The following PDPN variants were observed in gnomAD, a reference collection of about 807,000 sequenced individuals.
PDPN encodes podoplanin, also known as PA2.26 antigen.
PDPN carries 12 observed loss-of-function variants against 23.2 expected under a neutral mutation model. The observed-to-expected ratio is 0.52, with a 90% CI of 0.33 to 0.84. The LOEUF (loss-of-function observed/expected upper bound fraction) is 0.84. Among genes scored for constraint, PDPN ranks in the 40% least tolerant of loss-of-function variants. The probability of loss-of-function intolerance (pLI) is 0.02; values close to 1 mark genes in which losing one functional copy is unlikely to be tolerated. For synonymous variants in PDPN, 77 were observed against 76.7 expected (o/e 1.00, Z -0.02); for missense variants, 199 against 212.2 (o/e 0.94, Z 0.39).
chr1:13,607,544 T>C (rs1174489249), intron 2 of PDPN, among the ~76,000 whole-genome samples: 1 of 152,164 alleles, frequency 6.6e-6, no homozygotes, highest in Non-Finnish European at 1.5e-5. Flanking sequence ...ACCAACATTA[T>C]GTGAGGACCT....
intron 1 of PDPN, among the ~76,000 whole-genome samples, chr1:13,602,884 T>A (rs897340633): frequency 2.6e-5 from 4 of 152,070 alleles, no homozygotes; most frequent in African/African-American, 9.6e-5. Context: ...AAAGTATTTT[T>A]AAAGAAATGG....
chr1:13,602,311 G>C (rs1365540226), intron 1 of PDPN, among the ~76,000 whole-genome samples: 1 of 151,664 alleles, frequency 6.6e-6, no homozygotes, highest in Non-Finnish European at 1.5e-5. Flanking sequence ...CTGGGCGACA[G>C]AGCAAGACTC....
intron 3 of PDPN, among the ~76,000 whole-genome samples, chr1:13,610,765 T>C (rs879633360): frequency 1.1e-4 from 17 of 152,236 alleles, no homozygotes; most frequent in Non-Finnish European, 1.9e-4. Flanking sequence ...GTTAAGTAGC[T>C]ACTGAGATTG....
chr1:13,601,389 C>T (rs1640637089), intron 1 of PDPN, among the ~76,000 whole-genome samples: 3 of 152,218 alleles, frequency 2.0e-5, no homozygotes, highest in African/African-American at 7.2e-5. Context: ...CCATGTCTTG[C>T]TCTGTCACCC....
intron 2 of PDPN, among the ~76,000 whole-genome samples, chr1:13,609,018 C>G (rs1640867051): frequency 6.6e-6 from 1 of 152,282 alleles, no homozygotes; most frequent in Middle Eastern, 3.4e-3. Flanking sequence ...AACTACCCAC[C>G]AGATTTGGCC....
intron 2 of PDPN, among the ~76,000 whole-genome samples, chr1:13,608,740 A>G (rs1640858383): frequency 6.6e-6 from 1 of 152,254 alleles, no homozygotes; most frequent in Non-Finnish European, 1.5e-5. Flanking sequence ...CACACCGAAC[A>G]AAGGCGGGAA....
At chr1:13,589,576 A>C (rs1443862747) in intron 1 of PDPN, among the ~76,000 whole-genome samples, 1 of 152,036 alleles carries the variant, frequency 6.6e-6, no homozygotes, top group Non-Finnish European at 1.5e-5. Flanking sequence ...AGCTTCTTGT[A>C]TTTTATAGAG....
chr1:13,606,677 A>G (rs1267899429), intron 1 of PDPN, among the ~76,000 whole-genome samples: 1 of 152,102 alleles, frequency 6.6e-6, no homozygotes, highest in African/African-American at 2.4e-5. Context: ...CTTAAGAAAA[A>G]TTAATTTGAA....
intron 1 of PDPN, among the ~76,000 whole-genome samples, chr1:13,594,636 C>A (rs541996475): frequency 2.0e-5 from 3 of 152,268 alleles, no homozygotes; most frequent in Admixed American, 6.5e-5. Context: ...AACCTCTTAG[C>A]CTCACCATTG....
chr1:13,588,217 G>A lies in PDPN; in HGVS notation c.67+4117G>A, dbSNP rs1051308454. Among the ~76,000 whole-genome samples, 20 of 152,062 alleles carry A rather than the reference G, an allele frequency of 1.3e-4. No individual in the cohort carries two copies. The East Asian group carries it at 1.5e-3, about 12-fold the overall frequency. On this transcript the variant is annotated intron_variant, in intron 1 of 5. Transcript: ENST00000621990. ...CAGAGAGGCCAGGCCACAAAGTGCCGTAGGCAATAGAGGGAGACCAACCCT... is the reference window on the plus strand; with the variant it reads ...CAGAGAGGCCAGGCCACAAAGTGCCATAGGCAATAGAGGGAGACCAACCCT...
intron 1 of PDPN, among the ~76,000 whole-genome samples, chr1:13,590,474 A>G (rs936637633): frequency 6.6e-6 from 1 of 152,208 alleles, no homozygotes; most frequent in Non-Finnish European, 1.5e-5. Context: ...GGAGCTAGAA[A>G]AAGCCTTGTG....
chr1:13,603,214 C>G (rs1570040475), intron 1 of PDPN, among the ~76,000 whole-genome samples: 2 of 152,216 alleles, frequency 1.3e-5, no homozygotes, highest in East Asian at 3.9e-4. Context: ...GAAATGCCAT[C>G]TCTACTAAAA....
intron 4 of PDPN, 145 bp downstream of exon 4, chr1:13,613,870 C>CTTTTTTTTTTTT (rs34784418): frequency 4.7e-6 from 1 of 211,830 alleles, no homozygotes. Flanking sequence ...AGATTTCAAG[C>CTTTTTTTTTTTT]TTTTTTTTTT....
intron 1 of PDPN, among the ~76,000 whole-genome samples, chr1:13,604,721 A>G (rs1202125656): frequency 6.6e-6 from 1 of 152,218 alleles, no homozygotes; most frequent in African/African-American, 2.4e-5. Flanking sequence ...ACTAAGTTCA[A>G]ACCAGGTGAG....
rs973070188 is a variant in PDPN at position 13,617,189 on chromosome 1, T to C, written c.*1278T>C. 1 of 151,836 alleles carries C rather than the reference T, an allele frequency of 6.6e-6. No individual in the cohort carries two copies. The highest frequency in any genetic ancestry group is 1.5e-5 in the Non-Finnish European group (1 of 67,992). The allele number at this position is 151,836 out of a possible 1,614,324, so 9.4% of individuals were successfully genotyped here. Reference sequence around the variant, plus strand: ...TTTTTTTTTTCCTAAACAAAGTTTTTACACTGAGCAGATGCTCTGTCATGA... The same window carrying C: ...TTTTTTTTTTCCTAAACAAAGTTTTCACACTGAGCAGATGCTCTGTCATGA... On this transcript the variant is annotated 3_prime_UTR_variant, in exon 6 of 6. Coordinates refer to ENST00000621990, the MANE Select transcript of PDPN (RefSeq NM_006474.5).
chr1:13,607,300 A>G lies in PDPN; in HGVS notation c.195A>G (p.Thr65=). The part of the protein sequence containing the change: ...TSEDRYKSGL[T]TLVATSVNSV... ...AAGACCGCTATAAGTCTGGCTTGAC[A>G]ACTCTGGTCAGTGTCCTGGGAAGAG... Residue 65 remains threonine (T), a synonymous_variant, in exon 2 of 6, where the codon ACA becomes ACG. Transcript: ENST00000621990. The G allele has an allele frequency of 6.2e-7, 1 of 1,613,924 alleles. No homozygotes were observed. The highest frequency in any genetic ancestry group is 1.3e-5 in the African/African-American group (1 of 75,050).
chr1:13,584,520 G>T (rs1640124106), intron 1 of PDPN, among the ~76,000 whole-genome samples: 1 of 152,240 alleles, frequency 6.6e-6, no homozygotes, highest in African/African-American at 2.4e-5. Context: ...CAGGAGGGAC[G>T]TTCAGGAGGG....
chr1:13,583,888 T>C lies in PDPN; in HGVS notation c.-146T>C. On this transcript the variant is annotated 5_prime_UTR_variant, in exon 1 of 6. Transcript: ENST00000621990. ...GTCTGGGAAGCTCGGGCACCCTCCC[T>C]CTCCGGGGCTCCTGCTCCCACCCCT... 1 of 1,610,984 alleles carries C rather than the reference T, an allele frequency of 6.2e-7. No individual in the cohort carries two copies. Among genetic ancestry groups the C allele is most frequent in the Non-Finnish European group, 8.5e-7 (1 of 1,178,410 alleles).
At chr1:13,586,982 C>T (rs1333504288) in intron 1 of PDPN, among the ~76,000 whole-genome samples, 3 of 152,106 alleles carry the variant, frequency 2.0e-5, no homozygotes, top group Non-Finnish European at 2.9e-5. Context: ...ACTCGTGAGG[C>T]GGCAGTTGCA....
Sources: allele counts gnomAD v4.1 joint callset (sites outside exome capture counted in the v4.1 genomes callset), GRCh38; gene constraint gnomAD v4.1.1; transcripts MANE v1.5; gene names NCBI Gene and HGNC (gene_info 2026-07-23, HGNC 2026-07-21).